Variants in CNTLN observed in about 807,000 individuals in gnomAD.
The protein encoded by CNTLN is centlein, centrosomal protein.
CNTLN carries 212 observed loss-of-function variants against 180.0 expected under a neutral mutation model. That is an observed-to-expected ratio of 1.18 (90% confidence interval 1.05 to 1.32). The LOEUF is 1.32. CNTLN is among the 40% of genes most tolerant of loss of function. The probability of loss-of-function intolerance (pLI) is 0.00; values close to 1 mark genes in which losing one functional copy is unlikely to be tolerated. For missense variants in CNTLN, 2,095 were observed against 1,610.9 expected (o/e 1.30, Z -5.14); for synonymous variants, 722 against 563.1 (o/e 1.28, Z -3.99).
chr9:17,247,732 G>C (rs1312253326), intron 5 of CNTLN, among the ~76,000 whole-genome samples: 2 of 148,238 alleles, frequency 1.3e-5, no homozygotes, highest in East Asian at 3.9e-4. Context: ...CTCTCACCAG[G>C]TGTTTTTCAT....
At chr9:17,267,341 T>G (rs1827549149) in intron 5 of CNTLN, among the ~76,000 whole-genome samples, 1 of 152,196 alleles carries the variant, frequency 6.6e-6, no homozygotes, top group African/African-American at 2.4e-5. Context: ...GAAAATTATT[T>G]TTTTTAAGAA....
chr9:17,244,095 C>T (rs970632627), intron 5 of CNTLN, among the ~76,000 whole-genome samples: 1 of 151,810 alleles, frequency 6.6e-6, no homozygotes, highest in Non-Finnish European at 1.5e-5. Flanking sequence ...GTCTTGAAAT[C>T]TATTTTGTCT....
intron 3 of CNTLN, among the ~76,000 whole-genome samples, chr9:17,231,822 C>A (rs560572031): frequency 4.3e-4 from 65 of 152,008 alleles, no homozygotes; most frequent in African/African-American, 1.2e-3. Flanking sequence ...CCCTACCCCC[C>A]ACCCATTTTT....
Position 17,368,539 on chromosome 9 carries a change from G to A in CNTLN, c.1987+1822G>A, listed in dbSNP as rs539088460. Among the ~76,000 whole-genome samples, 42 of 152,308 alleles carry A rather than the reference G, an allele frequency of 2.8e-4. 1 individual carries two copies. Among genetic ancestry groups the A allele is most frequent in the African/African-American group, 9.9e-4 (41 of 41,578 alleles). On this transcript the variant is annotated intron_variant, in intron 13 of 25. Transcript: ENST00000380647. ...AGATAGTGGTTACAGTGGGCCTTGG[G>A]TGAGACTCAGGGATATACTGGTGTC...
chr9:17,466,402 C>T (rs1831750134), intron 22 of CNTLN, among the ~76,000 whole-genome samples: 1 of 151,292 alleles, frequency 6.6e-6, no homozygotes, highest in Non-Finnish European at 1.5e-5. Flanking sequence ...ATTTTGTAGG[C>T]CCACTTAAAC....
chr9:17,273,674 G>A (rs1828098364), intron 5 of CNTLN, 59 bp from the exon 6 acceptor site: 1 of 854,024 alleles, frequency 1.2e-6, no homozygotes, highest in African/African-American at 1.8e-5. Context: ...TATAACAGAT[G>A]TTTTGTTACA....
intron 23 of CNTLN, among the ~76,000 whole-genome samples, chr9:17,471,362 G>T (rs1186451218): frequency 6.6e-6 from 1 of 152,002 alleles, no homozygotes; most frequent in African/African-American, 2.4e-5. Flanking sequence ...GCAGAAGTGG[G>T]ATCGTGTACT....
chr9:17,380,170 G>T (rs890452841), intron 13 of CNTLN, among the ~76,000 whole-genome samples: 23 of 152,184 alleles, frequency 1.5e-4, no homozygotes, highest in African/African-American at 5.5e-4. Context: ...ACATAGAAAT[G>T]AGGGTTGTCT....
intron 25 of CNTLN, among the ~76,000 whole-genome samples, chr9:17,492,776 A>G (rs945069721): frequency 2.0e-5 from 3 of 152,188 alleles, no homozygotes; most frequent in Admixed American, 1.3e-4. Context: ...TCAAACAGAT[A>G]TTTGTACACC....
chr9:17,166,718 C>T (rs1365571472), intron 2 of CNTLN: 1 of 262,636 alleles, frequency 3.8e-6, no homozygotes. Flanking sequence ...TGTTTTCAAC[C>T]TAAAATTCTA....
intron 23 of CNTLN, among the ~76,000 whole-genome samples, chr9:17,468,040 C>T (rs1180952823): frequency 6.6e-6 from 1 of 151,682 alleles, no homozygotes; most frequent in Non-Finnish European, 1.5e-5. Flanking sequence ...TACATACACA[C>T]CATAGGATAC....
intron 12 of CNTLN, among the ~76,000 whole-genome samples, chr9:17,356,229 C>T (rs1037829953): frequency 6.6e-6 from 1 of 152,034 alleles, no homozygotes; most frequent in Non-Finnish European, 1.5e-5. Context: ...CAATGAACTT[C>T]AAGGCTATGT....
At chr9:17,195,079 T>G (rs1822045579) in intron 2 of CNTLN, among the ~76,000 whole-genome samples, 1 of 152,092 alleles carries the variant, frequency 6.6e-6, no homozygotes, top group Non-Finnish European at 1.5e-5. Flanking sequence ...AAGATGAGAT[T>G]TGGGTGGGGA....
intron 13 of CNTLN, among the ~76,000 whole-genome samples, chr9:17,366,939 A>T (rs939572929): frequency 6.6e-6 from 1 of 152,206 alleles, no homozygotes; most frequent in African/African-American, 2.4e-5. Context: ...GAGAACGTAC[A>T]GCAAGATGGC....
At chr9:17,281,326 C>A (rs1223311994) in intron 6 of CNTLN, among the ~76,000 whole-genome samples, 1 of 151,828 alleles carries the variant, frequency 6.6e-6, no homozygotes, top group Non-Finnish European at 1.5e-5. Flanking sequence ...GCAGGATGTG[C>A]AGGTTTGTTA....
intron 15 of CNTLN, among the ~76,000 whole-genome samples, chr9:17,400,871 T>A (rs1826919582): frequency 6.6e-6 from 1 of 152,128 alleles, no homozygotes; most frequent in Non-Finnish European, 1.5e-5. Flanking sequence ...AGATTTATTT[T>A]TCAAATTGTG....
chr9:17,332,575 G>C, intron 9 of CNTLN, 30 bp from the exon 10 acceptor site: 5 of 1,579,732 alleles, frequency 3.2e-6, no homozygotes, highest in Non-Finnish European at 4.3e-6. Context: ...GTTCCAACTA[G>C]TTCAACCATG....
At chr9:17,295,620 C>T (rs1033764444) in intron 6 of CNTLN, among the ~76,000 whole-genome samples, 2 of 152,112 alleles carry the variant, frequency 1.3e-5, no homozygotes, top group Admixed American at 1.3e-4. Context: ...ACAGCTGTTT[C>T]TAGTCGGCCA....
At chr9:17,140,454 T>A (rs977440039) in intron 1 of CNTLN, among the ~76,000 whole-genome samples, 2 of 152,324 alleles carry the variant, frequency 1.3e-5, no homozygotes, top group Admixed American at 1.3e-4. Flanking sequence ...TTTTTTTCTT[T>A]GTTTTTTGAG....
Sources: gnomAD v4.1 joint callset for allele counts (sites outside exome capture counted in the v4.1 genomes callset) on GRCh38, gnomAD v4.1.1 for gene constraint, MANE v1.5 for transcripts, NCBI Gene and HGNC (gene_info 2026-07-23, HGNC 2026-07-21) for gene names.